Variants in ALCAM observed in about 807,000 individuals in gnomAD.
The protein encoded by ALCAM is activated leukocyte cell adhesion molecule, also known as CD166 antigen.
In ALCAM, 30 loss-of-function variants were observed where a neutral mutation model predicts 70.9. The observed-to-expected ratio is 0.42, with a 90% CI of 0.32 to 0.57. The LOEUF is 0.57. ALCAM is among the 20% of genes least tolerant of loss of function. ALCAM has a pLI of 0.11. For missense variants in ALCAM, 591 were observed against 695.1 expected (o/e 0.85, Z 1.68); for synonymous variants, 249 against 242.5 (o/e 1.03, Z -0.25).
chr3:105,498,174 G>A (rs9848760), intron 1 of ALCAM, among the ~76,000 whole-genome samples: 14,783 of 152,208 alleles, frequency 0.097, 800 homozygotes, highest in South Asian at 0.17. Context: ...GTGAAGTAGG[G>A]AGGTGTAGTG....
chr3:105,539,243 C>T (rs1330555670), intron 6 of ALCAM, among the ~76,000 whole-genome samples: 1 of 152,066 alleles, frequency 6.6e-6, no homozygotes, highest in Non-Finnish European at 1.5e-5. Context: ...ATTTTATTTC[C>T]TGTTTGCTAG....
At chr3:105,568,375 G>A (rs1940791811) in intron 14 of ALCAM, among the ~76,000 whole-genome samples, 1 of 152,124 alleles carries the variant, frequency 6.6e-6, no homozygotes, top group African/African-American at 2.4e-5. Flanking sequence ...ACAGGTGTGA[G>A]CCACTGAGCC....
At chr3:105,447,750 C>T (rs1937333561) in intron 1 of ALCAM, among the ~76,000 whole-genome samples, 1 of 152,106 alleles carries the variant, frequency 6.6e-6, no homozygotes. Context: ...TGTGTTTATA[C>T]CTTTGTAAAT....
intron 1 of ALCAM, among the ~76,000 whole-genome samples, chr3:105,471,501 T>C (rs932598270): frequency 6.6e-6 from 1 of 151,226 alleles, no homozygotes; most frequent in Non-Finnish European, 1.5e-5. Flanking sequence ...TCATTTTAGA[T>C]TAGTTATGTT....
At chr3:105,532,195 A>G (rs1404809594) in intron 4 of ALCAM, 129 bp downstream of exon 4, 8 of 766,902 alleles carry the variant, frequency 1.0e-5, no homozygotes, top group Non-Finnish European at 1.5e-5. Context: ...GCTACCAATC[A>G]GAAATTATCT....
At chr3:105,529,621 TAGAA>T (rs1182404465) in intron 3 of ALCAM, among the ~76,000 whole-genome samples, 1 of 152,160 alleles carries the variant, frequency 6.6e-6, no homozygotes, top group East Asian at 1.9e-4. Flanking sequence ...CTTTTCCAAA[TAGAA>T]AGACGAATCA....
intron 1 of ALCAM, among the ~76,000 whole-genome samples, chr3:105,427,646 A>G (rs759529637): frequency 6.6e-6 from 1 of 151,862 alleles, no homozygotes; most frequent in Non-Finnish European, 1.5e-5. Context: ...TGAGCTTCCA[A>G]TAGTCCCTAA....
intron 1 of ALCAM, among the ~76,000 whole-genome samples, chr3:105,376,558 A>C (rs1431299629): frequency 6.6e-6 from 1 of 152,234 alleles, no homozygotes; most frequent in East Asian, 1.9e-4. Flanking sequence ...AAATAAACTA[A>C]TTACTATACA....
chr3:105,439,547 T>A (rs1937126951), intron 1 of ALCAM: 1 of 152,206 alleles, frequency 6.6e-6, no homozygotes, highest in Non-Finnish European at 1.5e-5. Flanking sequence ...AATTTTGAAA[T>A]AAGCTTATGA....
intron 1 of ALCAM, among the ~76,000 whole-genome samples, chr3:105,426,843 CA>C (rs1298749891): frequency 1.3e-5 from 2 of 151,754 alleles, no homozygotes; most frequent in African/African-American, 4.8e-5. Context: ...AAAAAAACAA[CA>C]AAAAGGAATC....
At chr3:105,521,040 G>T (rs1390908478) in intron 2 of ALCAM, among the ~76,000 whole-genome samples, 6 of 152,150 alleles carry the variant, frequency 3.9e-5, no homozygotes, top group African/African-American at 1.4e-4. Context: ...GGTGGCTCAC[G>T]CCTGTAATCC....
chr3:105,560,936 A>G (rs1391627966), intron 14 of ALCAM, among the ~76,000 whole-genome samples: 1 of 152,208 alleles, frequency 6.6e-6, no homozygotes, highest in Non-Finnish European at 1.5e-5. Flanking sequence ...CTGTGCCACA[A>G]AAAGTTTTGT....
At chr3:105,376,426 C>T (rs927886667) in intron 1 of ALCAM, among the ~76,000 whole-genome samples, 2 of 152,208 alleles carry the variant, frequency 1.3e-5, no homozygotes, top group Admixed American at 6.5e-5. Flanking sequence ...TGACTAAGGT[C>T]ACATTGTTGG....
At chr3:105,435,866 C>T (rs1241073320) in intron 1 of ALCAM, among the ~76,000 whole-genome samples, 1 of 152,064 alleles carries the variant, frequency 6.6e-6, no homozygotes, top group African/African-American at 2.4e-5. Flanking sequence ...TCTCGGCTCA[C>T]TGCAAGCTCC....
intron 5 of ALCAM, among the ~76,000 whole-genome samples, chr3:105,534,170 G>A (rs1288797910): frequency 6.6e-6 from 1 of 152,146 alleles, no homozygotes; most frequent in Non-Finnish European, 1.5e-5. Context: ...TGTGAGCCAT[G>A]GGGAGTGGCT....
intron 14 of ALCAM, among the ~76,000 whole-genome samples, chr3:105,558,121 A>G (rs1343264978): frequency 6.6e-6 from 1 of 152,060 alleles, no homozygotes; most frequent in Non-Finnish European, 1.5e-5. Context: ...CTACCTGCAC[A>G]GGTATCAATG....
chr3:105,516,549 G>A (rs1040933697), intron 1 of ALCAM, among the ~76,000 whole-genome samples: 5 of 151,776 alleles, frequency 3.3e-5, no homozygotes, highest in Admixed American at 6.6e-5. Context: ...TAATTCTATT[G>A]TTCTTTACCT....
chr3:105,433,744 A>G (rs925173734), intron 1 of ALCAM, among the ~76,000 whole-genome samples: 1 of 150,404 alleles, frequency 6.6e-6, no homozygotes, highest in Non-Finnish European at 1.5e-5. Context: ...GATATAGGAA[A>G]GGGCTTTCTA....
chr3:105,520,425 A>T (rs1939505527), intron 2 of ALCAM, among the ~76,000 whole-genome samples: 1 of 152,224 alleles, frequency 6.6e-6, no homozygotes, highest in African/African-American at 2.4e-5. Context: ...TAAGTGTTAG[A>T]GGCAAAGAAA....
Sources: allele counts gnomAD v4.1 joint callset (sites outside exome capture counted in the v4.1 genomes callset), GRCh38; gene constraint gnomAD v4.1.1; transcripts MANE v1.5; gene names NCBI Gene and HGNC (gene_info 2026-07-23, HGNC 2026-07-21).